The following LRRC9 variants were observed in gnomAD, a reference collection of about 807,000 sequenced individuals.
LRRC9 encodes leucine rich repeat containing 9.
Under a neutral mutation model 63.2 loss-of-function variants are expected in LRRC9, and 122 were observed. That is an observed-to-expected ratio of 1.93 (90% confidence interval 1.67 to 2.24). The LOEUF (loss-of-function observed/expected upper bound fraction) is 2.24, where lower values mean the gene tolerates loss of function less well. LRRC9 is among the 30% of genes most tolerant of loss of function. The probability of loss-of-function intolerance (pLI) is 0.00; values close to 1 mark genes in which losing one functional copy is unlikely to be tolerated. For synonymous variants in LRRC9, 366 were observed against 213.1 expected, an observed-to-expected ratio of 1.72 and a Z score of -6.25; for missense variants, 1,071 against 627.7, an observed-to-expected ratio of 1.71 and a Z score of -7.55.
chr14:59,933,126 G>A (rs138708373), intron 6 of LRRC9, among the ~76,000 whole-genome samples: 84 of 152,174 alleles, frequency 5.5e-4, no homozygotes, highest in East Asian at 4.6e-3. Flanking sequence ...TCATTTCATC[G>A]TTTATTTCAA....
At chr14:59,997,013 A>G (rs1166057558) in intron 17 of LRRC9, among the ~76,000 whole-genome samples, 1 of 152,164 alleles carries the variant, frequency 6.6e-6, no homozygotes, top group African/African-American at 2.4e-5. Context: ...ATGTGAAAAA[A>G]TGTTAAAAGG....
rs1250508647 is a variant in LRRC9 at position 60,027,847 on chromosome 14, G to A, written c.3704-37G>A. 8.0e-6 allele frequency: 5 copies of A among 627,282 alleles called. No homozygotes were observed. The East Asian group carries it at 1.4e-4, about 17-fold the overall frequency. The allele number at this position is 627,282 out of a possible 1,614,324, so 38.9% of individuals were successfully genotyped here. A position where few individuals can be genotyped will look rare whatever the true frequency, so the allele number is the denominator to read the frequency against. On this transcript the variant is annotated intron_variant, in intron 27 of 31. Coordinates refer to ENST00000445360, the Ensembl canonical transcript of LRRC9. This position sits in a 1 kb window ranked among gnomAD's most constrained non-coding sequence, Gnocchi z 4.0. ...AGATATCCTTTACTTCAGGAAGTTT[G>A]GGCTCACTTGATATATCATGACTTA...
intron 7 of LRRC9, among the ~76,000 whole-genome samples, chr14:59,939,014 CATAT>C (rs34336233): frequency 6.4e-5 from 7 of 109,404 alleles, no homozygotes; most frequent in East Asian, 3.6e-4. Context: ...CATATATACA[CATAT>C]ATATATACAT....
At chr14:59,921,469 T>A (rs1489055296) in intron 1 of LRRC9, among the ~76,000 whole-genome samples, 1 of 151,750 alleles carries the variant, frequency 6.6e-6, no homozygotes, top group Non-Finnish European at 1.5e-5. Context: ...GGAAAAAAAA[T>A]GTGGTAAGAC....
intron 8 of LRRC9, among the ~76,000 whole-genome samples, chr14:59,956,412 A>T (rs886134490): frequency 6.6e-6 from 1 of 151,664 alleles, no homozygotes; most frequent in Non-Finnish European, 1.5e-5. Context: ...GTCTTTTTTG[A>T]TCTTTGCTGG....
In LRRC9 at chr14:60,017,443, T is replaced by C. The variant is rs1026485767; in HGVS notation, c.3317+653T>C. Reference sequence around the variant, plus strand: ...TCCTCCAAATATCATCTCAAGATGTTTCTCCTCCATGCTGTCATCCTTGAC... The same window carrying C: ...TCCTCCAAATATCATCTCAAGATGTCTCTCCTCCATGCTGTCATCCTTGAC... On this transcript the variant is annotated intron_variant, in intron 24 of 31. Coordinates refer to ENST00000445360, the Ensembl canonical transcript of LRRC9. The surrounding 1 kb of genome is among the most constrained non-coding windows in gnomAD (Gnocchi z 4.0). Among the ~76,000 whole-genome samples, 5 of 152,162 alleles carry C rather than the reference T, an allele frequency of 3.3e-5. No individual in the cohort carries two copies. Among genetic ancestry groups the C allele is most frequent in the African/African-American group, 1.2e-4 (5 of 41,456 alleles).
At chr14:59,944,849 TACACACACACACACACTCAC>T (rs1882178738) in intron 8 of LRRC9, 105 bp downstream of exon 8, 2 of 464,274 alleles carry the variant, frequency 4.3e-6, no homozygotes, top group Non-Finnish European at 7.4e-6. Flanking sequence ...ACATATATAA[TACACACACACACACACTCAC>T]ACACACACAC....
intron 8 of LRRC9, among the ~76,000 whole-genome samples, chr14:59,955,866 C>A (rs988951253): frequency 6.6e-6 from 1 of 152,134 alleles, no homozygotes; most frequent in Non-Finnish European, 1.5e-5. Flanking sequence ...TTTCAAAGAA[C>A]TTCTTTATTT....
At chr14:59,989,833 C>T (rs1222992890) in intron 17 of LRRC9, among the ~76,000 whole-genome samples, 1 of 151,680 alleles carries the variant, frequency 6.6e-6, no homozygotes, top group Non-Finnish European at 1.5e-5. Flanking sequence ...AGATCTTCCT[C>T]TTCTGTTGTT....
intron 25 of LRRC9, 94 bp downstream of exon 25, chr14:60,018,573 G>A: frequency 2.1e-6 from 1 of 477,616 alleles, no homozygotes; most frequent in Non-Finnish European, 3.7e-6. Flanking sequence ...TATTAAAGTA[G>A]ATAAATTATT....
chr14:59,941,715 C>CA (rs1215565153), intron 7 of LRRC9, among the ~76,000 whole-genome samples: 2 of 151,918 alleles, frequency 1.3e-5, no homozygotes, highest in Non-Finnish European at 2.9e-5. Context: ...ATAGGATACC[C>CA]AATGGTGTTC....
chr14:59,959,688 G>C, intron 8 of LRRC9, 130 bp from the exon 9 acceptor site: 1 of 488,138 alleles, frequency 2.0e-6, no homozygotes, highest in East Asian at 3.2e-5. Context: ...TTATTACCTA[G>C]ATTTCCACTT....
intron 7 of LRRC9, among the ~76,000 whole-genome samples, chr14:59,941,994 A>G (rs924268649): frequency 6.6e-6 from 1 of 152,142 alleles, no homozygotes; most frequent in Non-Finnish European, 1.5e-5. Flanking sequence ...AATAGCTACA[A>G]TTCTACTCTG....
rs1889380240 is a variant in LRRC9, at chr14:59,928,291, T to A, written c.72T>A (p.Tyr24Ter). 3.2e-6 allele frequency: 2 copies of A among 623,888 alleles called. No individual in the cohort carries two copies. Among genetic ancestry groups the A allele is most frequent in the East Asian group, 2.8e-5 (1 of 35,588 alleles). The allele number at this position is 623,888 out of a possible 1,614,324, so 38.6% of individuals were successfully genotyped here. ...AGTGTTTGTGCAATGGCTTATCTTA[T>A]GAGATGGTTGGACAAGAAGGATCAG... is the stretch of plus-strand genomic sequence containing the variant. The change falls in exon 3 of 32, where the codon TAT becomes TAA. Residue 24 changes from tyrosine to a stop codon, truncating the protein, a stop_gained. Coordinates refer to ENST00000445360, the Ensembl canonical transcript of LRRC9. LOFTEE classifies it high-confidence loss of function.
chr14:60,004,500 C>T lies in LRRC9; in HGVS notation c.2842+702C>T, dbSNP rs1187936323. On this transcript the variant is annotated intron_variant, in intron 21 of 31. Transcript: ENST00000445360. This position sits in a 1 kb window ranked among gnomAD's most constrained non-coding sequence, Gnocchi z 4.8. ...TACCAATATAATATATTTTATTTGA[C>T]TGTTTAAAGTTCAGTATTAAAACAT... Among the ~76,000 whole-genome samples, 1 of 151,976 alleles carries T rather than the reference C, an allele frequency of 6.6e-6. No individual in the cohort carries two copies. Among genetic ancestry groups the T allele is most frequent in the Non-Finnish European group, 1.5e-5 (1 of 67,924 alleles).
intron 17 of LRRC9, among the ~76,000 whole-genome samples, chr14:59,996,597 A>T (rs1428380921): frequency 6.6e-6 from 1 of 152,224 alleles, no homozygotes; most frequent in Non-Finnish European, 1.5e-5. Context: ...ACAAAAAAAG[A>T]ATTTAAAAAT....
chr14:59,962,829 A>G lies in LRRC9; in HGVS notation c.1211+1784A>G, dbSNP rs1884481194. Among the ~76,000 whole-genome samples, 1 of 152,186 alleles carries G rather than the reference A, an allele frequency of 6.6e-6. No homozygotes were observed. The highest frequency in any genetic ancestry group is 1.5e-5 in the Non-Finnish European group (1 of 68,016). On this transcript the variant is annotated intron_variant, in intron 10 of 31. Transcript: ENST00000445360. The surrounding 1 kb of genome is among the most constrained non-coding windows in gnomAD (Gnocchi z 5.1). ...AAATGACCAAAAAGCCATTTAGATAACTATGTCAGCCTGATAGTAAATTAG... is the reference window on the plus strand; with the variant it reads ...AAATGACCAAAAAGCCATTTAGATAGCTATGTCAGCCTGATAGTAAATTAG...
chr14:59,999,585 T>C (rs1889149345), intron 19 of LRRC9, among the ~76,000 whole-genome samples: 2 of 152,050 alleles, frequency 1.3e-5, no homozygotes, highest in East Asian at 3.9e-4. Context: ...TAGTGAATTA[T>C]CTATCTACTT....
rs1396061547 is a variant in LRRC9 at position 60,006,389 on chromosome 14, T to C, written c.2843-8T>C. On this transcript the variant is annotated splice_polypyrimidine_tract_variant and splice_region_variant and intron_variant, in intron 21 of 31. Coordinates refer to ENST00000445360, the Ensembl canonical transcript of LRRC9. ...TGAATCTTTTCTTGAATTTGCTTAT[T>C]TTTCTAGGTATTTCCAAGATGACTA... is the stretch of plus-strand genomic sequence containing the variant. 1.5e-6 allele frequency: 1 copy of C among 677,232 alleles called. No individual in the cohort carries two copies. Among genetic ancestry groups the C allele is most frequent in the East Asian group, 2.7e-5 (1 of 36,736 alleles). 42.0% of individuals were successfully genotyped at this position (677,232 alleles called of 1,614,324 possible). A position where few individuals can be genotyped will look rare whatever the true frequency, so the allele number is the denominator to read the frequency against.
Sources: allele counts gnomAD v4.1 joint callset (sites outside exome capture counted in the v4.1 genomes callset), GRCh38; gene constraint gnomAD v4.1.1; non-coding constraint Gnocchi (gnomAD v3.1); transcripts MANE v1.5; gene names NCBI Gene and HGNC (gene_info 2026-07-23, HGNC 2026-07-21).